SLC9B1: variants seen among roughly 807,000 people sequenced by gnomAD.
SLC9B1 encodes sodium/hydrogen exchanger 9B1.
SLC9B1 carries 32 observed loss-of-function variants against 51.7 expected under a neutral mutation model. That is an observed-to-expected ratio of 0.62 (90% CI 0.47 to 0.83). SLC9B1 has a LOEUF of 0.83. Among genes scored for constraint, SLC9B1 ranks in the 40% least tolerant of loss-of-function variants. SLC9B1 has a pLI of 0.00. For synonymous variants in SLC9B1, 145 were observed against 212.7 expected, an observed-to-expected ratio of 0.68 and a Z score of 2.77; for missense variants, 406 against 613.2, an observed-to-expected ratio of 0.66 and a Z score of 3.57.
At chr4:102,969,388 G>T (rs1374038667) in intron 3 of SLC9B1, among the ~76,000 whole-genome samples, 1 of 152,220 alleles carries the variant, frequency 6.6e-6, no homozygotes, top group African/African-American at 2.4e-5. Context: ...CAACAGACCT[G>T]CAGCTGAGGG....
At chr4:102,956,382 C>T (rs1215186137) in intron 3 of SLC9B1, among the ~76,000 whole-genome samples, 1 of 150,264 alleles carries the variant, frequency 6.7e-6, no homozygotes, top group Admixed American at 6.6e-5. Context: ...AAGTTCTCCA[C>T]ACATATATGG....
chr4:102,973,356 T>C lies in SLC9B1; in HGVS notation c.211+16444A>G, dbSNP rs115662382. ...ACATTCTGAGGAATAAAAGTCATTATGTAAAGACATCTATGCAAGTAACAA... is the reference window on the plus strand; with the variant it reads ...ACATTCTGAGGAATAAAAGTCATTACGTAAAGACATCTATGCAAGTAACAA... On this transcript the variant is annotated intron_variant, in intron 3 of 11. Coordinates refer to ENST00000296422, the MANE Select transcript of SLC9B1 (RefSeq NM_139173.4). 6.0e-3 allele frequency among the ~76,000 whole-genome samples: 907 copies of C among 152,292 alleles called. 11 individuals carry two copies. Among genetic ancestry groups the C allele is most frequent in the African/African-American group, 0.021 (861 of 41,578 alleles).
intron 3 of SLC9B1, among the ~76,000 whole-genome samples, chr4:102,959,395 GT>G (rs1381958588): frequency 6.6e-6 from 1 of 152,018 alleles, no homozygotes; most frequent in Non-Finnish European, 1.5e-5. Context: ...ACATAAATAG[GT>G]TTTGTTACAA....
intron 3 of SLC9B1, among the ~76,000 whole-genome samples, chr4:102,985,534 CTTTTCT>C (rs963976283): frequency 9.1e-5 from 9 of 99,242 alleles, no homozygotes; most frequent in African/African-American, 5.8e-4. Context: ...AATCCATTTT[CTTTTCT>C]TTTTTTTTTT....
chr4:102,982,651 T>C (rs1325976246), intron 3 of SLC9B1, among the ~76,000 whole-genome samples: 3 of 152,166 alleles, frequency 2.0e-5, no homozygotes, highest in African/African-American at 4.8e-5. Flanking sequence ...GTGGTGCTAA[T>C]GTAAATGGTG....
At chr4:102,998,936 T>C (rs1385878942) in intron 1 of SLC9B1, among the ~76,000 whole-genome samples, 1 of 152,162 alleles carries the variant, frequency 6.6e-6, no homozygotes, top group Non-Finnish European at 1.5e-5. Context: ...ACATAGATCG[T>C]GCAGCCTTGA....
At chr4:102,931,845 A>C (rs1042236201) in intron 7 of SLC9B1, among the ~76,000 whole-genome samples, 1 of 152,236 alleles carries the variant, frequency 6.6e-6, no homozygotes, top group Non-Finnish European at 1.5e-5. Context: ...GAGAACTGAT[A>C]AAATTCCAAA....
intron 7 of SLC9B1, among the ~76,000 whole-genome samples, chr4:102,921,432 A>G (rs1284150197): frequency 6.6e-6 from 1 of 152,190 alleles, no homozygotes; most frequent in Non-Finnish European, 1.5e-5. Context: ...GGAAAGAAAC[A>G]CCCGGTACCA....
chr4:103,003,913 G>A (rs1261616846), intron 1 of SLC9B1, among the ~76,000 whole-genome samples: 1 of 152,024 alleles, frequency 6.6e-6, no homozygotes, highest in African/African-American at 2.4e-5. Context: ...AAACCCCCAA[G>A]GGCATCAAAG....
At chr4:102,970,146 A>C (rs1738674336) in intron 3 of SLC9B1, among the ~76,000 whole-genome samples, 1 of 152,232 alleles carries the variant, frequency 6.6e-6, no homozygotes. Context: ...AACATCACAA[A>C]GATACTCCTC....
chr4:102,960,806 C>T (rs186584088), intron 3 of SLC9B1, among the ~76,000 whole-genome samples: 2,653 of 150,908 alleles, frequency 0.018, 31 homozygotes, highest in Non-Finnish European at 0.023. Flanking sequence ...GATCTCGGCT[C>T]ACCACAACCT....
intron 1 of SLC9B1, among the ~76,000 whole-genome samples, chr4:102,995,179 C>T (rs1345152350): frequency 3.3e-5 from 5 of 152,036 alleles, no homozygotes; most frequent in Non-Finnish European, 7.4e-5. Context: ...ACTCTTCTGG[C>T]CTCTGAAGGC....
At position 102,931,143 on chromosome 4, in the gene SLC9B1, G is replaced by A. The variant is rs1408707357; in HGVS notation, c.829+981C>T. 4.0e-5 allele frequency among the ~76,000 whole-genome samples: 6 copies of A among 151,486 alleles called. No homozygotes were observed. The East Asian group carries it at 7.8e-4, about 20-fold the overall frequency. ...TGGGAGGCTGAGGCAGGAGAATGGC[G>A]TGAACCCGGGAGGCAGAGCATGCAG... On this transcript the variant is annotated intron_variant, in intron 7 of 11. Coordinates refer to ENST00000296422, the MANE Select transcript of SLC9B1 (RefSeq NM_139173.4).
At chr4:102,914,262 T>C (rs1735481641) in intron 7 of SLC9B1, among the ~76,000 whole-genome samples, 1 of 134,716 alleles carries the variant, frequency 7.4e-6, no homozygotes, top group Non-Finnish European at 1.6e-5. Context: ...CTGCAAAATA[T>C]CTCAAGCAAT....
At chr4:102,890,646 G>C (rs1280338858) in intron 11 of SLC9B1, 1 of 151,920 alleles carries the variant, frequency 6.6e-6, no homozygotes, top group African/African-American at 2.4e-5. Context: ...TACCATACCA[G>C]CTTGGGCAAC....
intron 1 of SLC9B1, among the ~76,000 whole-genome samples, chr4:102,999,592 G>A (rs1421991270): frequency 6.6e-6 from 1 of 152,142 alleles, no homozygotes; most frequent in African/African-American, 2.4e-5. Context: ...TGTACAAATT[G>A]TACAGTCTCC....
At chr4:102,971,818 T>G (rs573122950) in intron 3 of SLC9B1, among the ~76,000 whole-genome samples, 1 of 152,080 alleles carries the variant, frequency 6.6e-6, no homozygotes, top group Admixed American at 6.5e-5. Flanking sequence ...TCACCACTGA[T>G]CCCATGGAAA....
chr4:102,899,602 C>T (rs1334544377), downstream of SLC9B1, among the ~76,000 whole-genome samples: 1 of 151,768 alleles, frequency 6.6e-6, no homozygotes, highest in East Asian at 1.9e-4. Context: ...TTAGTAGAGA[C>T]GGGGTTTCAC....
intron 1 of SLC9B1, among the ~76,000 whole-genome samples, chr4:103,006,323 T>C (rs933473574): frequency 1.3e-5 from 2 of 151,908 alleles, no homozygotes; most frequent in African/African-American, 4.8e-5. Flanking sequence ...AAAGGGACAT[T>C]ACCCCAGAGA....
Sources: allele counts gnomAD v4.1 joint callset (sites outside exome capture counted in the v4.1 genomes callset), GRCh38; gene constraint gnomAD v4.1.1; transcripts MANE v1.5; gene names NCBI Gene and HGNC (gene_info 2026-07-23, HGNC 2026-07-21).